HDAC8: variants seen among roughly 807,000 people sequenced by gnomAD.
HDAC8 encodes the protein histone deacetylase 8, also known as histone deacetylase-like 1.
HDAC8 carries 1 observed loss-of-function variant against 32.2 expected under a neutral mutation model. That is an observed-to-expected ratio of 0.03 (90% CI 0.01 to 0.15). HDAC8 has a LOEUF of 0.15. Ranked by LOEUF, HDAC8 falls within the 10% of genes least tolerant of loss-of-function variation. The pLI, the probability that HDAC8 is intolerant of heterozygous loss-of-function variation, is 1.00. For missense variants in HDAC8, 117 were observed against 300.0 expected (o/e 0.39, Z 4.51); for synonymous variants, 108 against 113.9 (o/e 0.95, Z 0.33).
chrX:72,478,297 C>T (rs1280444168), intron 7 of HDAC8, among the ~76,000 whole-genome samples: 1 of 112,413 alleles, frequency 8.9e-6, no homozygotes, highest in African/African-American at 3.2e-5. Context: ...ACTAGCATGT[C>T]CAGTGCTTGA....
chrX:72,404,309 C>G (rs1465182443), intron 9 of HDAC8, among the ~76,000 whole-genome samples: 2 of 111,303 alleles, frequency 1.8e-5, no homozygotes, highest in African/African-American at 6.5e-5. Flanking sequence ...AACATGCTTA[C>G]TTAATTTAAT....
chrX:72,524,886 A>T (rs782324122), intron 4 of HDAC8, among the ~76,000 whole-genome samples: 2 of 111,469 alleles, frequency 1.8e-5, no homozygotes, highest in African/African-American at 6.5e-5. Context: ...CTCTCATAAC[A>T]CTAATACATG....
intron 4 of HDAC8, among the ~76,000 whole-genome samples, chrX:72,537,284 T>C (rs1184872909): frequency 8.9e-6 from 1 of 112,043 alleles, no homozygotes; most frequent in Non-Finnish European, 1.9e-5. Context: ...GTATCCAATG[T>C]TGAGCCTATT....
At chrX:72,417,196 C>T (rs782597680) in intron 9 of HDAC8, among the ~76,000 whole-genome samples, 5 of 111,154 alleles carry the variant, frequency 4.5e-5, no homozygotes, top group African/African-American at 1.3e-4. Context: ...TTACTCTCAT[C>T]GCTCCTATTC....
chrX:72,524,964 C>T (rs566814012), intron 4 of HDAC8, among the ~76,000 whole-genome samples: 2 of 111,787 alleles, frequency 1.8e-5, no homozygotes, highest in African/African-American at 6.5e-5. Flanking sequence ...ACAATTTTTC[C>T]ATGGGCATGG....
intron 9 of HDAC8, among the ~76,000 whole-genome samples, chrX:72,405,535 G>A (rs782584691): frequency 3.1e-4 from 35 of 112,167 alleles, no homozygotes; most frequent in Non-Finnish European, 6.0e-4. Context: ...TTGAGGAATC[G>A]CCACACTGTC....
intron 9 of HDAC8, among the ~76,000 whole-genome samples, chrX:72,393,281 G>T (rs781931528): frequency 2.5e-4 from 28 of 111,660 alleles, no homozygotes; most frequent in Non-Finnish European, 4.7e-4. Context: ...ATTGTACAGT[G>T]AAGAAAGAAA....
At chrX:72,569,872 C>G (rs1276322822) in intron 2 of HDAC8, among the ~76,000 whole-genome samples, 1 of 112,261 alleles carries the variant, frequency 8.9e-6, no homozygotes, top group African/African-American at 3.2e-5. Flanking sequence ...AGACTTGCCT[C>G]AGACCTGAGT....
At chrX:72,457,781 T>C (rs2047759503) in intron 9 of HDAC8, among the ~76,000 whole-genome samples, 1 of 112,067 alleles carries the variant, frequency 8.9e-6, no homozygotes, top group Non-Finnish European at 1.9e-5. Context: ...AATCAATCTA[T>C]AGATTCAGTG....
At chrX:72,449,367 G>C (rs1249041661) in intron 9 of HDAC8, among the ~76,000 whole-genome samples, 1 of 111,169 alleles carries the variant, frequency 9.0e-6, no homozygotes, top group African/African-American at 3.3e-5. Flanking sequence ...TCATAAGTGG[G>C]AGTTGAACAA....
chrX:72,331,855 A>G (rs1484418518), intron 10 of HDAC8, among the ~76,000 whole-genome samples: 1 of 111,730 alleles, frequency 9.0e-6, no homozygotes, highest in African/African-American at 3.3e-5. Flanking sequence ...TGTAACCTCA[A>G]CCACAATCAA....
chrX:72,329,516 T>C lies in HDAC8; in HGVS notation c.*538A>G, dbSNP rs1195741126. ...CAATGAAGACAACGGGACAAAGAGGTAGGTTTTCAAAGATTTTATTAAAAA... is the reference window on the plus strand; with the variant it reads ...CAATGAAGACAACGGGACAAAGAGGCAGGTTTTCAAAGATTTTATTAAAAA... On this transcript the variant is annotated 3_prime_UTR_variant, in exon 11 of 11. Transcript: ENST00000373573. The C allele has an allele frequency of 1.0e-5, 5 of 494,698 alleles. No individual in the cohort carries two copies. Among genetic ancestry groups the C allele is most frequent in the Non-Finnish European group, 1.7e-5 (5 of 300,960 alleles). The allele number at this position is 494,698 out of a possible 1,213,427, so 40.8% of individuals were successfully genotyped here.
At chrX:72,378,218 G>A (rs1420589830) in intron 9 of HDAC8, among the ~76,000 whole-genome samples, 6 of 111,237 alleles carry the variant, frequency 5.4e-5, no homozygotes, top group African/African-American at 1.6e-4. Flanking sequence ...TGGGAGGTGG[G>A]CCTAGTTGGA....
intron 4 of HDAC8, among the ~76,000 whole-genome samples, chrX:72,504,636 G>A (rs912912065): frequency 4.5e-5 from 5 of 111,870 alleles, no homozygotes; most frequent in Non-Finnish European, 9.4e-5. Flanking sequence ...TATGGCTATT[G>A]TGAATAGTGC....
At chrX:72,478,946 T>G (rs982869625) in intron 7 of HDAC8, among the ~76,000 whole-genome samples, 16 of 111,239 alleles carry the variant, frequency 1.4e-4, no homozygotes, top group African/African-American at 5.2e-4. Context: ...TGTGAGCCAC[T>G]GTGCTCGGCC....
chrX:72,567,797 C>T (rs1556137989), intron 4 of HDAC8, 92 bp downstream of exon 4: 1 of 1,210,631 alleles, frequency 8.3e-7, no homozygotes, highest in Non-Finnish European at 1.1e-6. Context: ...ACACGTCTCT[C>T]TGTAAATGTC....
chrX:72,476,492 G>T (rs2048339360), intron 7 of HDAC8, among the ~76,000 whole-genome samples: 2 of 111,349 alleles, frequency 1.8e-5, no homozygotes, highest in South Asian at 7.7e-4. Flanking sequence ...ACTGCATTCT[G>T]CTCTGTGTCA....
intron 9 of HDAC8, among the ~76,000 whole-genome samples, chrX:72,389,834 T>A (rs1325372304): frequency 5.4e-5 from 6 of 111,657 alleles, no homozygotes; most frequent in African/African-American, 1.6e-4. Context: ...AATATTTAAG[T>A]AATATAAGAA....
rs782439726 is a variant in HDAC8, at chrX:72,350,741, G to A, written c.1111+992C>T. Among the ~76,000 whole-genome samples, 16 of 112,546 alleles carry A rather than the reference G, an allele frequency of 1.4e-4. No homozygotes were observed. The South Asian group carries it at 5.9e-3, about 42-fold the overall frequency. On this transcript the variant is annotated intron_variant, in intron 10 of 10. Coordinates refer to ENST00000373573, the MANE Select transcript of HDAC8 (RefSeq NM_018486.3). The stretch of plus-strand genomic sequence containing the variant: ...AAGAAGCAGCTGGAGTTCAGAGGGG[G>A]CGCTACTAGAATGCTGAGGACAGTG...
Sources: allele counts gnomAD v4.1 joint callset (sites outside exome capture counted in the v4.1 genomes callset), GRCh38; gene constraint gnomAD v4.1.1; transcripts MANE v1.5; gene names NCBI Gene and HGNC (gene_info 2026-07-23, HGNC 2026-07-21).